The following COL13A1 variants were observed in gnomAD, a reference collection of about 807,000 sequenced individuals.
COL13A1 encodes collagen alpha-1(XIII) chain.
Under a neutral mutation model 130.9 loss-of-function variants are expected in COL13A1, and 89 were observed. The observed-to-expected ratio is 0.68, with a 90% CI of 0.57 to 0.81. The LOEUF (loss-of-function observed/expected upper bound fraction) is 0.81. Ranked by LOEUF, COL13A1 falls within the 30% of genes least tolerant of loss-of-function variation. The pLI, the probability that COL13A1 is intolerant of heterozygous loss-of-function variation, is 0.00. For synonymous variants in COL13A1, 402 were observed against 341.6 expected (o/e 1.18, Z -1.95); for missense variants, 879 against 934.6 (o/e 0.94, Z 0.78).
chr10:69,879,179 T>C (rs1770868424), intron 6 of COL13A1, among the ~76,000 whole-genome samples: 1 of 151,890 alleles, frequency 6.6e-6, no homozygotes, highest in Admixed American at 6.6e-5. Context: ...GATGGAGAGG[T>C]GCCCCAGTGT....
chr10:69,808,584 C>G (rs1023397097), intron 1 of COL13A1, among the ~76,000 whole-genome samples: 1 of 152,190 alleles, frequency 6.6e-6, no homozygotes, highest in Admixed American at 6.5e-5. Flanking sequence ...CTGCCGCTCC[C>G]GTCCATTAGA....
At chr10:69,895,931 G>T (rs2061591732) in intron 13 of COL13A1, among the ~76,000 whole-genome samples, 1 of 152,150 alleles carries the variant, frequency 6.6e-6, no homozygotes, top group Non-Finnish European at 1.5e-5. Context: ...AGCGTGACTT[G>T]TGTGAGTCTG....
chr10:69,839,178 A>ATTCGTTCG (rs930223620), intron 2 of COL13A1, among the ~76,000 whole-genome samples: 1 of 152,108 alleles, frequency 6.6e-6, no homozygotes, highest in African/African-American at 2.4e-5. Flanking sequence ...TCATTCATTC[A>ATTCGTTCG]TTCGTTCGTT....
intron 1 of COL13A1, among the ~76,000 whole-genome samples, chr10:69,813,436 CAT>C (rs910360498): frequency 9.8e-5 from 15 of 152,288 alleles, no homozygotes; most frequent in African/African-American, 3.6e-4. Context: ...TTTCCTGAAC[CAT>C]AGAGCCTGGG....
chr10:69,940,629 C>T (rs756948145), intron 34 of COL13A1, among the ~76,000 whole-genome samples: 3 of 152,144 alleles, frequency 2.0e-5, no homozygotes, highest in Admixed American at 6.5e-5. Context: ...AGACATCTCT[C>T]TAAGCATTCC....
chr10:69,841,428 GGCAC>G (rs968835431), intron 2 of COL13A1, among the ~76,000 whole-genome samples: 2 of 152,178 alleles, frequency 1.3e-5, no homozygotes, highest in Non-Finnish European at 2.9e-5. Flanking sequence ...CCCAGCACCT[GGCAC>G]GGAATAAATG....
chr10:69,804,275 G>A (rs1035877840), intron 1 of COL13A1, among the ~76,000 whole-genome samples: 1 of 152,116 alleles, frequency 6.6e-6, no homozygotes, highest in African/African-American at 2.4e-5. Flanking sequence ...GATTTTCAGG[G>A]TTTAGCACAG....
intron 17 of COL13A1, among the ~76,000 whole-genome samples, chr10:69,909,125 C>T (rs559291264): frequency 1.5e-4 from 23 of 152,196 alleles, no homozygotes; most frequent in Non-Finnish European, 3.1e-4. Context: ...AGAGGAGCAG[C>T]TCTGAGCCTT....
In COL13A1 at chr10:69,888,343, G is replaced by A. The variant is rs761343912; in HGVS notation, c.576+13G>A. Reference sequence around the variant, plus strand: ...GGACGGCAAACCGGTAAGTGGACCCGCTCTCTCCCCTCACTGCAGGTCAGT... The same window carrying A: ...GGACGGCAAACCGGTAAGTGGACCCACTCTCTCCCCTCACTGCAGGTCAGT... On this transcript the variant is annotated intron_variant, in intron 9 of 40. Coordinates refer to ENST00000645393, the MANE Select transcript of COL13A1 (RefSeq NM_001368882.1). 3.1e-6 allele frequency: 5 copies of A among 1,611,318 alleles called. No homozygotes were observed. Among genetic ancestry groups the A allele is most frequent in the South Asian group, 1.1e-5 (1 of 90,190 alleles).
At chr10:69,876,987 T>G (rs140582279) in intron 5 of COL13A1, among the ~76,000 whole-genome samples, 2 of 152,258 alleles carry the variant, frequency 1.3e-5, no homozygotes, top group Non-Finnish European at 2.9e-5. Flanking sequence ...TCCCAGGAAG[T>G]GTCCACACTT....
intron 35 of COL13A1, 146 bp from the exon 36 acceptor site, chr10:69,943,979 A>C: frequency 1.5e-6 from 1 of 646,324 alleles, no homozygotes; most frequent in East Asian, 2.7e-5. Flanking sequence ...ATCACGGCCC[A>C]GTCGAATGAC....
At chr10:69,842,629 C>T (rs1165466835) in intron 2 of COL13A1, among the ~76,000 whole-genome samples, 1 of 152,220 alleles carries the variant, frequency 6.6e-6, no homozygotes, top group African/African-American at 2.4e-5. Context: ...CTTTCCTGGG[C>T]ATTTGGTACA....
At chr10:69,898,804 A>G in intron 14 of COL13A1, 42 bp downstream of exon 14, 2 of 1,541,394 alleles carry the variant, frequency 1.3e-6, no homozygotes, top group Non-Finnish European at 1.8e-6. Flanking sequence ...TGGTTTCCCA[A>G]GGGGCCCGGC....
chr10:69,812,561 G>T (rs2132302196), intron 1 of COL13A1, among the ~76,000 whole-genome samples: 1 of 152,306 alleles, frequency 6.6e-6, no homozygotes, highest in South Asian at 2.1e-4. Flanking sequence ...TGTGGGCTCT[G>T]AGCCAGGCTT....
intron 6 of COL13A1, 76 bp from the exon 7 acceptor site, chr10:69,880,427 G>A: frequency 1.2e-6 from 1 of 862,746 alleles, no homozygotes; most frequent in Non-Finnish European, 2.0e-6. Flanking sequence ...CTTCCCTTTG[G>A]TTCCTCTCTT....
intron 2 of COL13A1, among the ~76,000 whole-genome samples, chr10:69,866,500 G>C (rs190451676): frequency 7.2e-5 from 11 of 152,282 alleles, no homozygotes; most frequent in Admixed American, 6.5e-4. Flanking sequence ...GGCAGGCTGC[G>C]CTCAGGGGAT....
chr10:69,827,912 C>T (rs927396072), intron 2 of COL13A1, among the ~76,000 whole-genome samples: 2 of 152,146 alleles, frequency 1.3e-5, no homozygotes, highest in African/African-American at 2.4e-5. Flanking sequence ...CCCCGAGCCC[C>T]GCTTCTTTGT....
At chr10:69,912,969 T>C (rs2063540416) in intron 17 of COL13A1, among the ~76,000 whole-genome samples, 1 of 152,202 alleles carries the variant, frequency 6.6e-6, no homozygotes, top group South Asian at 2.1e-4. Flanking sequence ...GACCTATCAA[T>C]GCTGTGTGGT....
chr10:69,815,180 G>C (rs1167334553), intron 1 of COL13A1, among the ~76,000 whole-genome samples: 1 of 152,156 alleles, frequency 6.6e-6, no homozygotes, highest in Non-Finnish European at 1.5e-5. Flanking sequence ...CCTCTGGGCT[G>C]TGTCTATGCC....
Sources: gnomAD v4.1 joint callset for allele counts (sites outside exome capture counted in the v4.1 genomes callset) on GRCh38, gnomAD v4.1.1 for gene constraint, MANE v1.5 for transcripts, NCBI Gene and HGNC (gene_info 2026-07-23, HGNC 2026-07-21) for gene names.